Variants in SOX6 observed in about 807,000 individuals in gnomAD.
SOX6 encodes the protein SRY-box transcription factor 6.
A neutral mutation model predicts 97.8 loss-of-function variants in SOX6; 11 were observed. The observed-to-expected ratio is 0.11, with a 90% CI of 0.07 to 0.19. The LOEUF is 0.19. Among genes scored for constraint, SOX6 ranks in the 10% least tolerant of loss-of-function variants. The pLI is 1.00. For missense variants in SOX6, 810 were observed against 1,039.5 expected, an observed-to-expected ratio of 0.78 and a Z score of 3.04; for synonymous variants, 360 against 371.4, an observed-to-expected ratio of 0.97 and a Z score of 0.35.
chr11:16,617,302 T>G (rs1194946517), intron 3 of SOX6, among the ~76,000 whole-genome samples: 1 of 151,842 alleles, frequency 6.6e-6, no homozygotes, highest in African/African-American at 2.4e-5. Flanking sequence ...TAATAACAAA[T>G]GAAAAGCTTC....
chr11:16,108,104 A>C (rs542545340), intron 7 of SOX6, among the ~76,000 whole-genome samples: 1 of 152,332 alleles, frequency 6.6e-6, no homozygotes, highest in South Asian at 2.1e-4. Context: ...AGGTTCAGCA[A>C]GATTAAATGA....
At chr11:16,166,298 C>G (rs1850886182) in intron 6 of SOX6, among the ~76,000 whole-genome samples, 1 of 152,096 alleles carries the variant, frequency 6.6e-6, no homozygotes, top group Admixed American at 6.6e-5. Flanking sequence ...AAGATCAAAC[C>G]AAATCCTAAG....
At chr11:16,537,630 A>C (rs1016944725) in intron 4 of SOX6, among the ~76,000 whole-genome samples, 1 of 152,210 alleles carries the variant, frequency 6.6e-6, no homozygotes, top group Non-Finnish European at 1.5e-5. Flanking sequence ...GAAGACTTCA[A>C]ATGACCTGAT....
intron 4 of SOX6, among the ~76,000 whole-genome samples, chr11:16,584,583 G>A (rs970965451): frequency 6.6e-6 from 1 of 152,162 alleles, no homozygotes; most frequent in African/African-American, 2.4e-5. Flanking sequence ...GGAATGATTA[G>A]TAAGAGTTTA....
chr11:16,538,437 C>T (rs543681788), intron 4 of SOX6, among the ~76,000 whole-genome samples: 32 of 152,290 alleles, frequency 2.1e-4, no homozygotes, highest in Middle Eastern at 6.8e-3. Context: ...AAATAACCAG[C>T]TAACATCATA....
chr11:16,035,288 T>C (rs1248635748), intron 12 of SOX6, among the ~76,000 whole-genome samples: 2 of 152,228 alleles, frequency 1.3e-5, no homozygotes, highest in Admixed American at 1.3e-4. Flanking sequence ...CTTTGAAGTC[T>C]CTCAAGTTCA....
intron 3 of SOX6, among the ~76,000 whole-genome samples, chr11:16,652,012 A>C (rs577185139): frequency 3.3e-5 from 5 of 151,136 alleles, no homozygotes; most frequent in African/African-American, 1.2e-4. Context: ...AATCCCTTTT[A>C]CAACAGCTGC....
chr11:16,384,239 A>T (rs1489499271), intron 1 of SOX6, among the ~76,000 whole-genome samples: 1 of 151,938 alleles, frequency 6.6e-6, no homozygotes, highest in African/African-American at 2.4e-5. Flanking sequence ...ATCAGAATAT[A>T]TAGTTAAAAT....
At chr11:16,254,379 A>G (rs1853617152) in intron 3 of SOX6, among the ~76,000 whole-genome samples, 1 of 152,074 alleles carries the variant, frequency 6.6e-6, no homozygotes, top group Admixed American at 6.5e-5. Context: ...GGTATATTAC[A>G]TTCATATATA....
In SOX6 at chr11:16,569,526, A is replaced by G. The variant is rs567589806; in HGVS notation, n.609+42555T>C. 9.2e-5 allele frequency among the ~76,000 whole-genome samples: 14 copies of G among 152,302 alleles called. 1 individual carries two copies. Among genetic ancestry groups the G allele is most frequent in the South Asian group, 4.1e-4 (2 of 4,832 alleles). On this transcript the variant is annotated intron_variant and non_coding_transcript_variant, in intron 4 of 5. Transcript: ENST00000524520. ...AATATAAGAATTATCAAAAATTATA[A>G]GAAGACCATCCCTTTAACTGAATAG...
chr11:16,714,471 T>C (rs1266047758), intron 3 of SOX6, among the ~76,000 whole-genome samples: 4 of 149,096 alleles, frequency 2.7e-5, no homozygotes, highest in South Asian at 2.2e-4. Flanking sequence ...TTTTTTTTTT[T>C]CAGACAGAGT....
intron 1 of SOX6, among the ~76,000 whole-genome samples, chr11:16,464,442 CTCTT>C (rs909109177): frequency 2.0e-5 from 3 of 150,306 alleles, no homozygotes; most frequent in African/African-American, 7.4e-5. Flanking sequence ...TAGAAACAAT[CTCTT>C]TCTAAATGAA....
intron 1 of SOX6, among the ~76,000 whole-genome samples, chr11:16,379,999 C>T (rs914373228): frequency 6.6e-6 from 1 of 151,310 alleles, no homozygotes; most frequent in Non-Finnish European, 1.5e-5. Flanking sequence ...ATATTTGATA[C>T]CATATGATCT....
At chr11:16,386,302 A>G (rs955319559) in intron 1 of SOX6, among the ~76,000 whole-genome samples, 1 of 147,926 alleles carries the variant, frequency 6.8e-6, no homozygotes, top group Non-Finnish European at 1.5e-5. Context: ...CCTGATTCTA[A>G]GTTGAGAATA....
chr11:16,240,275 A>AGTGTGTGTGTGTGTGTGTGT (rs4031660), intron 3 of SOX6, among the ~76,000 whole-genome samples: 2 of 129,056 alleles, frequency 1.5e-5, no homozygotes, highest in Non-Finnish European at 3.2e-5. Flanking sequence ...TAGATAATAT[A>AGTGTGTGTGTGTGTGTGTGT]GTGTGTGTGT....
At chr11:16,519,503 G>A (rs981534221) in intron 4 of SOX6, among the ~76,000 whole-genome samples, 4 of 151,922 alleles carry the variant, frequency 2.6e-5, no homozygotes, top group Admixed American at 6.6e-5. Flanking sequence ...TAGTTCCATC[G>A]ATGTTGCTGC....
At chr11:16,589,872 T>C (rs1340492089) in intron 4 of SOX6, among the ~76,000 whole-genome samples, 2 of 152,210 alleles carry the variant, frequency 1.3e-5, no homozygotes, top group Non-Finnish European at 2.9e-5. Context: ...ATCAGTACTT[T>C]ACAAAATTTC....
intron 12 of SOX6, among the ~76,000 whole-genome samples, chr11:16,019,759 G>T (rs7941496): frequency 0.5 from 75,671 of 151,880 alleles, 19,535 homozygotes; most frequent in Middle Eastern, 0.67. Context: ...TTCAAATGTG[G>T]AATGATAAGG....
chr11:16,552,337 G>A (rs1273069152), intron 4 of SOX6, among the ~76,000 whole-genome samples: 1 of 152,130 alleles, frequency 6.6e-6, no homozygotes, highest in African/African-American at 2.4e-5. Context: ...ACTTAAATGT[G>A]GGAAGCAAAT....
Sources: allele counts gnomAD v4.1 joint callset (sites outside exome capture counted in the v4.1 genomes callset), GRCh38; gene constraint gnomAD v4.1.1; transcripts MANE v1.5; gene names NCBI Gene and HGNC (gene_info 2026-07-23, HGNC 2026-07-21).